The following FLRT2 variants were observed in gnomAD, a reference collection of about 807,000 sequenced individuals.
The protein encoded by FLRT2 is leucine-rich repeat transmembrane protein FLRT2.
A neutral mutation model predicts 40.0 loss-of-function variants in FLRT2; 15 were observed. The ratio of observed to expected loss-of-function variants is 0.38; its 90% CI spans 0.25 to 0.58. FLRT2 has a LOEUF of 0.58. Ranked by LOEUF, FLRT2 falls within the 20% of genes least tolerant of loss-of-function variation. FLRT2 has a pLI of 0.71. For synonymous variants in FLRT2, 380 were observed against 336.8 expected (o/e 1.13, Z -1.41); for missense variants, 726 against 840.0 (o/e 0.86, Z 1.68).
In FLRT2 at chr14:85,651,892, TA is replaced by T. The variant is rs1377794633; in HGVS notation, c.*28399del. Reference sequence around the variant, plus strand: ...AACACTTTCTTAATTTCCTGAACAATAAAAGGAATTTCAAACATATTATTGG... The same window carrying T: ...AACACTTTCTTAATTTCCTGAACAATAAAGGAATTTCAAACATATTATTGG... On this transcript the variant is annotated 3_prime_UTR_variant, in exon 2 of 2. Coordinates refer to ENST00000330753, the MANE Select transcript of FLRT2 (RefSeq NM_013231.6). The T allele has an allele frequency of 6.6e-6, 1 of 152,032 alleles. No homozygotes were observed. The highest frequency in any genetic ancestry group is 1.5e-5 in the Non-Finnish European group (1 of 67,962). 9.4% of individuals were successfully genotyped at this position (152,032 alleles called of 1,614,324 possible). A position where few individuals can be genotyped will look rare whatever the true frequency, so the allele number is the denominator to read the frequency against.
At chr14:85,554,090 T>G (rs2139830542) in intron 1 of FLRT2, among the ~76,000 whole-genome samples, 1 of 152,294 alleles carries the variant, frequency 6.6e-6, no homozygotes, top group Non-Finnish European at 1.5e-5. Context: ...ACATCTTATT[T>G]TAGTCTTTTT....
intron 1 of FLRT2, among the ~76,000 whole-genome samples, chr14:85,537,817 T>C (rs936141201): frequency 2.7e-5 from 4 of 149,838 alleles, no homozygotes; most frequent in African/African-American, 9.8e-5. Context: ...GAGTACATGG[T>C]CAAAATCTGT....
rs556344860 is a variant in FLRT2 at position 85,627,686 on chromosome 14, T to A, written c.*4189T>A. Reference sequence around the variant, plus strand: ...GAAGGCATTGCCAAGTGTGTGTCGCTCATAGGACTAGTGTATATTCACTGA... The same window carrying A: ...GAAGGCATTGCCAAGTGTGTGTCGCACATAGGACTAGTGTATATTCACTGA... On this transcript the variant is annotated 3_prime_UTR_variant, in exon 2 of 2. Coordinates refer to ENST00000330753, the MANE Select transcript of FLRT2 (RefSeq NM_013231.6). 3.0e-5 allele frequency: 5 copies of A among 167,196 alleles called. No individual in the cohort carries two copies. The South Asian group carries it at 1.0e-3, about 35-fold the overall frequency. 10.4% of individuals were successfully genotyped at this position (167,196 alleles called of 1,614,324 possible).
At chr14:85,548,790 T>C (rs979810007) in intron 1 of FLRT2, among the ~76,000 whole-genome samples, 3 of 152,176 alleles carry the variant, frequency 2.0e-5, no homozygotes, top group Non-Finnish European at 4.4e-5. Context: ...CCTGGACCCA[T>C]GGCCCAAAGT....
intron 1 of FLRT2, among the ~76,000 whole-genome samples, chr14:85,580,359 A>G (rs1891328795): frequency 1.3e-5 from 2 of 152,110 alleles, no homozygotes; most frequent in Non-Finnish European, 2.9e-5. Context: ...GGATTTTCAG[A>G]AGTTTTCAGA....
At position 85,645,353 on chromosome 14, in the gene FLRT2, A is replaced by G. The variant is rs2139404304; in HGVS notation, c.*21856A>G. 6.6e-6 allele frequency: 1 copy of G among 152,092 alleles called. No homozygotes were observed. Among genetic ancestry groups the G allele is most frequent in the East Asian group, 1.9e-4 (1 of 5,164 alleles). 9.4% of individuals were successfully genotyped at this position (152,092 alleles called of 1,614,324 possible). A position where few individuals can be genotyped will look rare whatever the true frequency, so the allele number is the denominator to read the frequency against. Reference sequence around the variant, plus strand: ...GCGTGTATATATATATGATTGGCTGAGTGCTCTATTTGTTGCTTGAGCAGG... The same window carrying G: ...GCGTGTATATATATATGATTGGCTGGGTGCTCTATTTGTTGCTTGAGCAGG... On this transcript the variant is annotated 3_prime_UTR_variant, in exon 2 of 2. Coordinates refer to ENST00000330753, the MANE Select transcript of FLRT2 (RefSeq NM_013231.6).
chr14:85,594,314 G>T (rs972576712), intron 1 of FLRT2, among the ~76,000 whole-genome samples: 2 of 152,152 alleles, frequency 1.3e-5, no homozygotes, highest in Non-Finnish European at 2.9e-5. Flanking sequence ...GATCAGTATG[G>T]CTGGGAAGGC....
chr14:85,578,477 C>G (rs1257581995), intron 1 of FLRT2, among the ~76,000 whole-genome samples: 2 of 151,878 alleles, frequency 1.3e-5, no homozygotes, highest in South Asian at 4.2e-4. Context: ...ACAATGGTAA[C>G]TGATGGGTGA....
Position 85,535,904 on chromosome 14 carries a change from T to G in FLRT2, c.-377+5370T>G, listed in dbSNP as rs951589358. Among the ~76,000 whole-genome samples, 41 of 76,884 alleles carry G rather than the reference T, an allele frequency of 5.3e-4. 1 individual carries two copies. The East Asian group carries it at 8.8e-3, about 17-fold the overall frequency. The allele number at this position is 76,884 out of a possible 152,430, so 50.4% of individuals were successfully genotyped here. A position where few individuals can be genotyped will look rare whatever the true frequency, so the allele number is the denominator to read the frequency against. ...TGGAAGGAATGCTGTTTTTTTTTTT[T>G]TTTTTTTTTTTTTTTTTGTTGTTGT... On this transcript the variant is annotated intron_variant, in intron 1 of 1. Transcript: ENST00000330753.
intron 1 of FLRT2, among the ~76,000 whole-genome samples, chr14:85,612,670 G>T (rs536473052): frequency 1.4e-4 from 22 of 152,222 alleles, no homozygotes; most frequent in African/African-American, 4.8e-4. Context: ...CCTGAACATA[G>T]CCTGACACCT....
At chr14:85,536,742 A>G (rs1037026701) in intron 1 of FLRT2, among the ~76,000 whole-genome samples, 2 of 151,934 alleles carry the variant, frequency 1.3e-5, no homozygotes, top group African/African-American at 2.4e-5. Flanking sequence ...AGTTTACCTA[A>G]TTTGATTTTT....
At chr14:85,557,906 A>G (rs1160842187) in intron 1 of FLRT2, among the ~76,000 whole-genome samples, 1 of 152,206 alleles carries the variant, frequency 6.6e-6, no homozygotes, top group Non-Finnish European at 1.5e-5. Flanking sequence ...TCGCTAGTTC[A>G]TGGTAGAAGG....
intron 1 of FLRT2, among the ~76,000 whole-genome samples, chr14:85,543,587 A>T (rs1889104837): frequency 6.6e-6 from 1 of 152,094 alleles, no homozygotes; most frequent in Non-Finnish European, 1.5e-5. Context: ...CTTTGGATAA[A>T]GCCCATCAAA....
intron 1 of FLRT2, among the ~76,000 whole-genome samples, chr14:85,584,718 T>A (rs1369312011): frequency 1.3e-5 from 2 of 152,076 alleles, no homozygotes; most frequent in East Asian, 3.9e-4. Flanking sequence ...GGGTTCTAAG[T>A]GGTACTGAAA....
At position 85,628,675 on chromosome 14, in the gene FLRT2, A is replaced by G. The variant is rs956077447; in HGVS notation, c.*5178A>G. The G allele has an allele frequency of 6.6e-6, 1 of 152,214 alleles. No homozygotes were observed. Among genetic ancestry groups the G allele is most frequent in the Non-Finnish European group, 1.5e-5 (1 of 68,034 alleles). 9.4% of individuals were successfully genotyped at this position (152,214 alleles called of 1,614,324 possible). A position where few individuals can be genotyped will look rare whatever the true frequency, so the allele number is the denominator to read the frequency against. On this transcript the variant is annotated 3_prime_UTR_variant, in exon 2 of 2. Coordinates refer to ENST00000330753, the MANE Select transcript of FLRT2 (RefSeq NM_013231.6). The stretch of plus-strand genomic sequence containing the variant: ...AGAGATTGAATCAGGAAATAAATTC[A>G]TGACATTTCAGTTAACTAGTATTAC...
chr14:85,597,285 T>C (rs1031678041), intron 1 of FLRT2, among the ~76,000 whole-genome samples: 14 of 152,188 alleles, frequency 9.2e-5, no homozygotes, highest in Admixed American at 9.2e-4. Flanking sequence ...ACTACATTTA[T>C]ATATACAATA....
chr14:85,583,912 C>G (rs1049977548), intron 1 of FLRT2, among the ~76,000 whole-genome samples: 1 of 151,550 alleles, frequency 6.6e-6, no homozygotes, highest in African/African-American at 2.4e-5. Flanking sequence ...ATCCCTTGAG[C>G]CCAGGAGTTT....
intron 1 of FLRT2, among the ~76,000 whole-genome samples, chr14:85,591,489 T>A (rs1256672712): frequency 6.6e-6 from 1 of 152,226 alleles, no homozygotes; most frequent in African/African-American, 2.4e-5. Context: ...GTACATTGTC[T>A]TGTGGGAATG....
Position 85,578,795 on chromosome 14 carries a change from CT to C in FLRT2, c.-376-42343del, listed in dbSNP as rs1184180158. Reference sequence around the variant, plus strand: ...ACACACAAAAAAATCACAGGCAGCTCTACTGGATGGTGAAATATGGCTGCCT... The same window carrying C: ...ACACACAAAAAAATCACAGGCAGCTCACTGGATGGTGAAATATGGCTGCCT... On this transcript the variant is annotated intron_variant, in intron 1 of 1. Coordinates refer to ENST00000330753, the MANE Select transcript of FLRT2 (RefSeq NM_013231.6). 2.0e-5 allele frequency among the ~76,000 whole-genome samples: 3 copies of C among 152,280 alleles called. No homozygotes were observed. In the East Asian group the frequency reaches 5.8e-4, roughly 29 times the overall value.
Sources: gnomAD v4.1 joint callset for allele counts (sites outside exome capture counted in the v4.1 genomes callset) on GRCh38, gnomAD v4.1.1 for gene constraint, MANE v1.5 for transcripts, NCBI Gene and HGNC (gene_info 2026-07-23, HGNC 2026-07-21) for gene names.